CNTNAP2: variants seen among roughly 807,000 people sequenced by gnomAD.
CNTNAP2 encodes the protein contactin associated protein 2.
CNTNAP2 carries 98 observed loss-of-function variants against 155.2 expected under a neutral mutation model. That is an observed-to-expected ratio of 0.63 (90% CI 0.54 to 0.75). CNTNAP2 has a LOEUF of 0.75. Among genes scored for constraint, CNTNAP2 ranks in the 30% least tolerant of loss-of-function variants. The pLI is 0.00. For synonymous variants in CNTNAP2, 651 were observed against 631.2 expected, an observed-to-expected ratio of 1.03 and a Z score of -0.47; for missense variants, 1,727 against 1,688.1, an observed-to-expected ratio of 1.02 and a Z score of -0.40.
intron 1 of CNTNAP2, among the ~76,000 whole-genome samples, chr7:146,442,643 T>C (rs1468183744): frequency 1.3e-5 from 2 of 152,146 alleles, no homozygotes; most frequent in Non-Finnish European, 2.9e-5. Flanking sequence ...CTTATCACAA[T>C]AGAAGGAGCT....
intron 1 of CNTNAP2, among the ~76,000 whole-genome samples, chr7:146,215,185 G>A (rs1349861739): frequency 1.3e-5 from 2 of 152,162 alleles, no homozygotes; most frequent in East Asian, 3.9e-4. Context: ...AGAGGAAACT[G>A]ATGTGAAACT....
At chr7:148,156,653 T>A (rs1355989390) in intron 17 of CNTNAP2, among the ~76,000 whole-genome samples, 2 of 152,202 alleles carry the variant, frequency 1.3e-5, no homozygotes, top group Non-Finnish European at 2.9e-5. Context: ...CTAGATCCAC[T>A]TATCCTACTT....
At chr7:146,829,285 G>A (rs1803465092) in intron 2 of CNTNAP2, among the ~76,000 whole-genome samples, 1 of 151,914 alleles carries the variant, frequency 6.6e-6, no homozygotes, top group Non-Finnish European at 1.5e-5. Context: ...TTGCCAGAAG[G>A]TTAATGATTT....
At chr7:146,160,040 A>G (rs1481324950) in intron 1 of CNTNAP2, among the ~76,000 whole-genome samples, 2 of 151,830 alleles carry the variant, frequency 1.3e-5, no homozygotes, top group African/African-American at 4.8e-5. Flanking sequence ...TAAGAAACTC[A>G]CTCCAAACTA....
intron 18 of CNTNAP2, among the ~76,000 whole-genome samples, chr7:148,185,606 A>C (rs1469631753): frequency 6.6e-6 from 1 of 152,214 alleles, no homozygotes; most frequent in Non-Finnish European, 1.5e-5. Flanking sequence ...AATGTAACCC[A>C]AATATTTGAA....
At chr7:147,491,601 C>G (rs1330654902) in intron 11 of CNTNAP2, among the ~76,000 whole-genome samples, 1 of 152,206 alleles carries the variant, frequency 6.6e-6, no homozygotes, top group African/African-American at 2.4e-5. Context: ...CAGTTTAAAT[C>G]TGAGGCTCGC....
intron 1 of CNTNAP2, among the ~76,000 whole-genome samples, chr7:146,386,133 A>G (rs1795456454): frequency 2.0e-5 from 3 of 152,156 alleles, no homozygotes; most frequent in Non-Finnish European, 2.9e-5. Flanking sequence ...TTACTCTTAT[A>G]TTCATAAATA....
At chr7:146,286,749 G>A (rs1035894193) in intron 1 of CNTNAP2, among the ~76,000 whole-genome samples, 1 of 152,116 alleles carries the variant, frequency 6.6e-6, no homozygotes. Flanking sequence ...CCTGACTGTG[G>A]AAAGTGATTG....
intron 21 of CNTNAP2, among the ~76,000 whole-genome samples, chr7:148,356,009 G>A (rs527609796): frequency 6.6e-6 from 1 of 152,298 alleles, no homozygotes; most frequent in South Asian, 2.1e-4. Flanking sequence ...AATAAAATAA[G>A]TACCTTCTAG....
chr7:147,991,518 A>G (rs1029317460), intron 15 of CNTNAP2, among the ~76,000 whole-genome samples: 1 of 152,160 alleles, frequency 6.6e-6, no homozygotes. Flanking sequence ...TAACTAAATG[A>G]AAACTTTTAT....
intron 13 of CNTNAP2, among the ~76,000 whole-genome samples, chr7:147,677,259 T>C (rs1795884285): frequency 6.6e-6 from 1 of 151,898 alleles, no homozygotes; most frequent in African/African-American, 2.4e-5. Flanking sequence ...TAATGATTAG[T>C]GATGTTGAGC....
chr7:146,989,816 A>G (rs1798177789), intron 3 of CNTNAP2, among the ~76,000 whole-genome samples: 1 of 152,100 alleles, frequency 6.6e-6, no homozygotes, highest in East Asian at 1.9e-4. Flanking sequence ...AATAAAATGC[A>G]TTTCTTAGCT....
rs112379427 is a variant in CNTNAP2, at chr7:147,590,899, T to TGA, written c.1897+28650_1897+28651dup. Among the ~76,000 whole-genome samples, 13 of 152,276 alleles carry TGA rather than the reference T, an allele frequency of 8.5e-5. 1 individual carries two copies. The highest frequency in any genetic ancestry group is 3.1e-4 in the African/African-American group (13 of 41,562). ...AAGTATCTGAGGAGAAACTACTGAGTGAGAGAGAGCAGCAAACCTCTACAC... is the reference window on the plus strand; with the variant it reads ...AAGTATCTGAGGAGAAACTACTGAGTGAGAGAGAGAGCAGCAAACCTCTACAC... On this transcript the variant is annotated intron_variant, in intron 12 of 23. Coordinates refer to ENST00000361727, the MANE Select transcript of CNTNAP2 (RefSeq NM_014141.6).
At chr7:148,065,282 T>C (rs1040147179) in intron 15 of CNTNAP2, among the ~76,000 whole-genome samples, 2 of 152,228 alleles carry the variant, frequency 1.3e-5, no homozygotes. Context: ...TTGGGTGGAA[T>C]GTTCTGTAAA....
At chr7:148,038,378 G>C (rs1392164080) in intron 15 of CNTNAP2, among the ~76,000 whole-genome samples, 2 of 152,204 alleles carry the variant, frequency 1.3e-5, no homozygotes, top group African/African-American at 2.4e-5. Flanking sequence ...GATCCTTTGA[G>C]ACTCAGTTCA....
chr7:146,439,694 G>C (rs968822882), intron 1 of CNTNAP2, among the ~76,000 whole-genome samples: 6 of 151,454 alleles, frequency 4.0e-5, no homozygotes, highest in African/African-American at 1.5e-4. Flanking sequence ...TATGGGAGCA[G>C]AATGACTCTT....
intron 8 of CNTNAP2, among the ~76,000 whole-genome samples, chr7:147,226,458 A>G (rs1803545514): frequency 1.3e-5 from 2 of 152,118 alleles, no homozygotes; most frequent in Admixed American, 6.6e-5. Context: ...GCTTGGAAAT[A>G]TCATGGAAAT....
chr7:146,798,022 C>G (rs1802802032), intron 2 of CNTNAP2, among the ~76,000 whole-genome samples: 1 of 151,978 alleles, frequency 6.6e-6, no homozygotes. Context: ...AGCTGTAATC[C>G]CAGCACTTTG....
intron 3 of CNTNAP2, among the ~76,000 whole-genome samples, chr7:146,981,147 AT>A (rs1474430045): frequency 6.6e-6 from 1 of 152,176 alleles, no homozygotes; most frequent in East Asian, 1.9e-4. Context: ...TACTTTAGAA[AT>A]TTGTGCAACT....
Sources: allele counts gnomAD v4.1 joint callset (sites outside exome capture counted in the v4.1 genomes callset), GRCh38; gene constraint gnomAD v4.1.1; transcripts MANE v1.5; gene names NCBI Gene and HGNC (gene_info 2026-07-23, HGNC 2026-07-21).